TRPM7: variants seen among roughly 807,000 people sequenced by gnomAD.
TRPM7 encodes the protein LTRPC ion channel family member 7.
Under a neutral mutation model 229.7 loss-of-function variants are expected in TRPM7, and 134 were observed. The ratio of observed to expected loss-of-function variants is 0.58; its 90% CI spans 0.51 to 0.67. The LOEUF (loss-of-function observed/expected upper bound fraction) is 0.67, where lower values mean the gene tolerates loss of function less well. Among genes scored for constraint, TRPM7 ranks in the 30% least tolerant of loss-of-function variants. The probability of loss-of-function intolerance (pLI) is 0.00; values close to 1 mark genes in which losing one functional copy is unlikely to be tolerated. For synonymous variants in TRPM7, 699 were observed against 715.2 expected, an observed-to-expected ratio of 0.98 and a Z score of 0.36; for missense variants, 1,901 against 2,210.0, an observed-to-expected ratio of 0.86 and a Z score of 2.80.
At chr15:50,567,020 T>C (rs928927075) in intron 38 of TRPM7, among the ~76,000 whole-genome samples, 2 of 151,308 alleles carry the variant, frequency 1.3e-5, no homozygotes, top group Non-Finnish European at 1.5e-5. Context: ...TAAATAACTT[T>C]ATGCCCCCAA....
chr15:50,679,646 A>G (rs1373893359), intron 1 of TRPM7, among the ~76,000 whole-genome samples: 1 of 148,108 alleles, frequency 6.8e-6, no homozygotes, highest in East Asian at 2.0e-4. Flanking sequence ...ACCAATTCTC[A>G]TGCCCCAGTC....
At position 50,607,072 on chromosome 15, in the gene TRPM7, A is replaced by C. The variant is rs1315588210; in HGVS notation, c.2709+128T>G. ...TATTTTGGGAACAGCAAAATTACAC[A>C]GGTTCTACACTTCTACAATGTCATC... On this transcript the variant is annotated intron_variant, in intron 20 of 38. Coordinates refer to ENST00000646667, the MANE Select transcript of TRPM7 (RefSeq NM_017672.6). 1.7e-5 allele frequency: 12 copies of C among 723,538 alleles called. No individual in the cohort carries two copies. The South Asian group carries it at 3.8e-4, about 23-fold the overall frequency. The allele number at this position is 723,538 out of a possible 1,614,324, so 44.8% of individuals were successfully genotyped here. A position where few individuals can be genotyped will look rare whatever the true frequency, so the allele number is the denominator to read the frequency against.
intron 1 of TRPM7, among the ~76,000 whole-genome samples, chr15:50,681,936 C>T (rs1282927342): frequency 6.6e-6 from 1 of 152,092 alleles, no homozygotes; most frequent in African/African-American, 2.4e-5. Context: ...AATCCCAGCA[C>T]TTTGGGAGGC....
chr15:50,654,873 C>G (rs535656281), intron 3 of TRPM7, among the ~76,000 whole-genome samples: 1 of 149,652 alleles, frequency 6.7e-6, no homozygotes, highest in African/African-American at 2.4e-5. Flanking sequence ...TGGCAGCAGG[C>G]ACCTGTAGTC....
At chr15:50,609,522 A>G in intron 19 of TRPM7, 59 bp downstream of exon 19, 1 of 1,496,306 alleles carries the variant, frequency 6.7e-7, no homozygotes, top group South Asian at 1.3e-5. Context: ...ATTCCGAACC[A>G]ATGGTCCCCC....
chr15:50,681,262 A>C (rs375914804), intron 1 of TRPM7, among the ~76,000 whole-genome samples: 6 of 53,610 alleles, frequency 1.1e-4, no homozygotes, highest in South Asian at 1.4e-3. Context: ...AAAATAAATA[A>C]ATACACACAC....
intron 1 of TRPM7, among the ~76,000 whole-genome samples, chr15:50,663,662 A>G (rs1280394035): frequency 6.6e-6 from 1 of 152,202 alleles, no homozygotes. Context: ...ATTCTGGGAT[A>G]TGAGCCATTT....
intron 38 of TRPM7, 118 bp downstream of exon 38, chr15:50,569,769 G>A (rs2053780815): frequency 3.8e-6 from 2 of 525,986 alleles, no homozygotes; most frequent in Non-Finnish European, 6.6e-6. Context: ...AAGAGCTGCT[G>A]AAGCTGGCAC....
rs2140492345 is a variant in TRPM7 at position 50,614,146 on chromosome 15, T to C, written c.1612A>G (p.Asn538Asp). Residue 538 changes from asparagine (N) to aspartate (D), a missense_variant, in exon 14 of 39, where the codon AAT (asparagine) becomes GAT (aspartate). Asn to Asp is a conservative substitution (Grantham distance 23). This residue lies in a region of TRPM7 where 794 missense variants were observed against 881.9 expected (regional missense o/e 0.90). Coordinates refer to ENST00000646667, the MANE Select transcript of TRPM7 (RefSeq NM_017672.6). ...YTRKRFRLIY[N>D]SLGGNNRRSG... ...ACCCGATTATTTCCACCAAGACTAT[T>C]ATATATTAATCGAAAACGTTTCCTA... is the stretch of plus-strand genomic sequence containing the variant. 1 of 1,609,090 alleles carries C rather than the reference T, an allele frequency of 6.2e-7. No homozygotes were observed. The highest frequency in any genetic ancestry group is 2.2e-5 in the East Asian group (1 of 44,812).
chr15:50,600,897 A>G (rs1439026545), intron 21 of TRPM7, among the ~76,000 whole-genome samples: 2 of 152,232 alleles, frequency 1.3e-5, no homozygotes, highest in East Asian at 3.8e-4. Flanking sequence ...GGCTCTCTGC[A>G]ACTTGCAGAG....
chr15:50,661,449 G>GTT, intron 2 of TRPM7, among the ~76,000 whole-genome samples: 1 of 152,102 alleles, frequency 6.6e-6, no homozygotes, highest in Non-Finnish European at 1.5e-5. Context: ...TCTACGTATT[G>GTT]CTTCAACTTT....
At chr15:50,630,478 A>G (rs751825843) in intron 10 of TRPM7, among the ~76,000 whole-genome samples, 9 of 152,100 alleles carry the variant, frequency 5.9e-5, no homozygotes, top group Non-Finnish European at 1.2e-4. Context: ...TAATGTTGTT[A>G]TATCTGTTGG....
intron 4 of TRPM7, among the ~76,000 whole-genome samples, chr15:50,646,359 T>C (rs2061265098): frequency 3.3e-5 from 5 of 152,194 alleles, no homozygotes; most frequent in Admixed American, 3.3e-4. Context: ...CAAGGCTCAC[T>C]GCAGCCTCAA....
At chr15:50,600,519 A>C (rs1596151350) in intron 21 of TRPM7, among the ~76,000 whole-genome samples, 1 of 152,212 alleles carries the variant, frequency 6.6e-6, no homozygotes, top group South Asian at 2.1e-4. Context: ...ATTCATAAAT[A>C]ATCATCTAGC....
intron 12 of TRPM7, among the ~76,000 whole-genome samples, chr15:50,620,674 T>C (rs1258388079): frequency 6.6e-6 from 1 of 152,202 alleles, no homozygotes; most frequent in Middle Eastern, 3.2e-3. Flanking sequence ...CTCAAGCCTA[T>C]AATCCCAGCA....
chr15:50,642,776 T>C (rs1330485776), intron 5 of TRPM7, among the ~76,000 whole-genome samples: 1 of 152,164 alleles, frequency 6.6e-6, no homozygotes, highest in Non-Finnish European at 1.5e-5. Context: ...AATAAGTGAA[T>C]GTTCCAGTAA....
At chr15:50,634,338 TAA>T (rs1466195724) in intron 8 of TRPM7, 42 bp downstream of exon 8, 1 of 1,333,922 alleles carries the variant, frequency 7.5e-7, no homozygotes, top group Non-Finnish European at 9.8e-7. Flanking sequence ...AATAAATAAA[TAA>T]ATAAATAAAT....
intron 20 of TRPM7, among the ~76,000 whole-genome samples, chr15:50,606,722 C>G (rs1188721232): frequency 4.6e-5 from 7 of 152,130 alleles, no homozygotes; most frequent in African/African-American, 1.7e-4. Flanking sequence ...TGGTCTTGAA[C>G]TCCTGACCTC....
At chr15:50,562,324 A>G (rs28632123) in intron 38 of TRPM7, among the ~76,000 whole-genome samples, 1 of 152,208 alleles carries the variant, frequency 6.6e-6, no homozygotes, top group Non-Finnish European at 1.5e-5. Flanking sequence ...TTCAACAAAT[A>G]ATTACATATT....
Sources: gnomAD v4.1 joint callset for allele counts (sites outside exome capture counted in the v4.1 genomes callset) on GRCh38, gnomAD v4.1.1 for gene constraint, gnomAD v4.1.1 regional missense constraint, MANE v1.5 for transcripts, NCBI Gene and HGNC (gene_info 2026-07-23, HGNC 2026-07-21) for gene names.